The following RASEF variants were observed in gnomAD, a reference collection of about 807,000 sequenced individuals.
RASEF encodes RAS and EF-hand domain containing, also known as ras and EF-hand domain-containing protein.
In RASEF, 68 loss-of-function variants were observed where a neutral mutation model predicts 90.1. That is an observed-to-expected ratio of 0.75 (90% CI 0.62 to 0.92). The LOEUF (loss-of-function observed/expected upper bound fraction) is 0.92, where lower values mean the gene tolerates loss of function less well. RASEF is among the 40% of genes least tolerant of loss of function. The probability of loss-of-function intolerance (pLI) is 0.00; values close to 1 mark genes in which losing one functional copy is unlikely to be tolerated. For missense variants in RASEF, 949 were observed against 937.2 expected (o/e 1.01, Z -0.16); for synonymous variants, 331 against 345.2 (o/e 0.96, Z 0.46).
the RASEF span, among the ~76,000 whole-genome samples, chr9:83,212,080 G>T: frequency 6.6e-6 from 1 of 152,096 alleles, no homozygotes; most frequent in African/African-American, 2.4e-5. Context: ...ATGTATATAT[G>T]TATATAAAAT....
chr9:83,107,033 T>C, the RASEF span, among the ~76,000 whole-genome samples: 1 of 152,270 alleles, frequency 6.6e-6, no homozygotes, highest in South Asian at 2.1e-4. Context: ...AGCAACTTGT[T>C]ACACTCATCT....
At chr9:83,152,553 C>T in the RASEF span, among the ~76,000 whole-genome samples, 3 of 152,282 alleles carry the variant, frequency 2.0e-5, no homozygotes, top group Admixed American at 6.5e-5. Context: ...TAATCCACTG[C>T]CTTTCTTCAT....
chr9:83,003,394 T>C (rs1829074014), intron 9 of RASEF, among the ~76,000 whole-genome samples: 2 of 152,226 alleles, frequency 1.3e-5, no homozygotes, highest in African/African-American at 4.8e-5. Context: ...GAGGCTTTCA[T>C]GGTGTCTAAT....
chr9:83,185,176 G>T, the RASEF span, among the ~76,000 whole-genome samples: 5 of 152,020 alleles, frequency 3.3e-5, no homozygotes, highest in Non-Finnish European at 5.9e-5. Context: ...TATTTTTAAT[G>T]ATAAAAATAA....
At chr9:83,015,986 C>A in intron 3 of RASEF, 86 bp from the exon 4 acceptor site, 1 of 966,320 alleles carries the variant, frequency 1.0e-6, no homozygotes, top group Non-Finnish European at 1.6e-6. Context: ...CATTTTGTGT[C>A]AAATTAAGGC....
At chr9:82,989,530 T>C (rs978302382) in intron 16 of RASEF, among the ~76,000 whole-genome samples, 9 of 152,194 alleles carry the variant, frequency 5.9e-5, no homozygotes, top group African/African-American at 1.9e-4. Context: ...AAGTCATTAA[T>C]TGAAAAACAG....
the RASEF span, among the ~76,000 whole-genome samples, chr9:83,104,853 A>G: frequency 6.6e-6 from 1 of 152,242 alleles, no homozygotes; most frequent in African/African-American, 2.4e-5. Flanking sequence ...AGAATATCCA[A>G]AAGTGTGAAA....
Position 83,025,919 on chromosome 9 carries a change from T to G in RASEF, c.434A>C (p.Glu145Ala), listed in dbSNP as rs779160897. 1 of 1,573,324 alleles carries G rather than the reference T, an allele frequency of 6.4e-7. No individual in the cohort carries two copies. Among genetic ancestry groups the G allele is most frequent in the Non-Finnish European group, 8.6e-7 (1 of 1,164,168 alleles). Residue 145 changes from glutamate (E) to alanine (A), a missense_variant and splice_region_variant, in exon 2 of 17, where the codon GAA (glutamate) becomes GCA (alanine). Physicochemically the swap from Glu to Ala is moderately radical, Grantham distance 107. Coordinates refer to ENST00000376447, the MANE Select transcript of RASEF (RefSeq NM_152573.4). The part of the protein sequence containing the change: ...LGDEAKFIPR[E>A]EQVSTLYQNI... ...TTGGTACAAGGTACTAACTTGCTCT[T>G]CTCTGCCAAATAAATAAATAAAAAT...
At chr9:83,174,629 C>A in the RASEF span, among the ~76,000 whole-genome samples, 1 of 152,058 alleles carries the variant, frequency 6.6e-6, no homozygotes, top group South Asian at 2.1e-4. Flanking sequence ...CTATTTGGGT[C>A]CCTTAACTTT....
At chr9:83,119,574 C>G in the RASEF span, among the ~76,000 whole-genome samples, 3 of 152,140 alleles carry the variant, frequency 2.0e-5, no homozygotes, top group African/African-American at 7.2e-5. Flanking sequence ...AATTTTGAAG[C>G]AAGCCATGGA....
chr9:83,036,364 C>T (rs1829741672), intron 1 of RASEF, among the ~76,000 whole-genome samples: 1 of 152,292 alleles, frequency 6.6e-6, no homozygotes, highest in Non-Finnish European at 1.5e-5. Context: ...TGCCAGGCAG[C>T]CGTGTGGTCA....
the RASEF span, among the ~76,000 whole-genome samples, chr9:83,164,023 A>C: frequency 6.6e-6 from 1 of 150,694 alleles, no homozygotes; most frequent in Non-Finnish European, 1.5e-5. Flanking sequence ...ACCAACCTAG[A>C]ATTCTGTAAC....
At chr9:83,078,121 A>C in the RASEF span, among the ~76,000 whole-genome samples, 969 of 152,240 alleles carry the variant, frequency 6.4e-3, 13 homozygotes, top group African/African-American at 0.022. Context: ...AACCCACTGA[A>C]TCAGTAACTC....
the RASEF span, among the ~76,000 whole-genome samples, chr9:83,164,781 C>T: frequency 2.3e-4 from 35 of 151,828 alleles, no homozygotes; most frequent in Middle Eastern, 0.017. Context: ...TATAAAGATG[C>T]AAATTGATTA....
chr9:83,196,090 T>C, the RASEF span, among the ~76,000 whole-genome samples: 1 of 151,486 alleles, frequency 6.6e-6, no homozygotes, highest in African/African-American at 2.4e-5. Context: ...GCAGGTGGAG[T>C]TGGACTTCAC....
chr9:83,174,514 T>C, the RASEF span, among the ~76,000 whole-genome samples: 1 of 152,190 alleles, frequency 6.6e-6, no homozygotes, highest in Non-Finnish European at 1.5e-5. Context: ...TGTCTATCTT[T>C]AAGTCCGTAT....
the RASEF span, among the ~76,000 whole-genome samples, chr9:83,216,214 T>C: frequency 6.6e-6 from 1 of 152,214 alleles, no homozygotes. Context: ...ATTTGCATAG[T>C]AACGAGGAGC....
chr9:82,997,789 C>T (rs1166574300), intron 13 of RASEF, among the ~76,000 whole-genome samples: 1 of 152,202 alleles, frequency 6.6e-6, no homozygotes, highest in Non-Finnish European at 1.5e-5. Context: ...TGTCTGTTCA[C>T]CACTGAATCT....
At chr9:83,157,494 C>T in the RASEF span, among the ~76,000 whole-genome samples, 6 of 152,244 alleles carry the variant, frequency 3.9e-5, no homozygotes, top group Non-Finnish European at 8.8e-5. Context: ...CATGTTATAA[C>T]ACACTGAGAA....
Sources: gnomAD v4.1 joint callset for allele counts (sites outside exome capture counted in the v4.1 genomes callset) on GRCh38, gnomAD v4.1.1 for gene constraint, MANE v1.5 for transcripts, NCBI Gene and HGNC (gene_info 2026-07-23, HGNC 2026-07-21) for gene names.